The following RUFY4 variants were observed in gnomAD, a reference collection of about 807,000 sequenced individuals.
The protein encoded by RUFY4 is RUN and FYVE domain-containing protein 4.
RUFY4 carries 73 observed loss-of-function variants against 69.0 expected under a neutral mutation model. That is an observed-to-expected ratio of 1.06 (90% CI 0.88 to 1.29). The LOEUF (loss-of-function observed/expected upper bound fraction) is 1.29, where lower values mean the gene tolerates loss of function less well. Ranked by LOEUF, RUFY4 falls within the 50% of genes most tolerant of loss-of-function variation. RUFY4 has a pLI of 0.00. For synonymous variants in RUFY4, 287 were observed against 271.8 expected (o/e 1.06, Z -0.55); for missense variants, 770 against 705.6 (o/e 1.09, Z -1.03).
At chr2:218,069,165 C>G (rs1271678843), upstream of RUFY4, 1 of 152,550 alleles carries the variant, frequency 6.6e-6, no homozygotes, top group Non-Finnish European at 1.5e-5. Context: ...CCACTTCTTC[C>G]CTGCAGCGTC....
At chr2:218,069,962 G>T (rs55779343), upstream of RUFY4, among the ~76,000 whole-genome samples, 1,677 of 152,232 alleles carry the variant, frequency 0.011, 17 homozygotes, top group Middle Eastern at 0.024. Context: ...CACGCAGCAT[G>T]TGCTCAGCCC....
intron 8 of RUFY4, among the ~76,000 whole-genome samples, chr2:218,082,324 C>T (rs1176463582): frequency 6.6e-6 from 1 of 152,212 alleles, no homozygotes; most frequent in Non-Finnish European, 1.5e-5. Flanking sequence ...TCCCCTTCCA[C>T]ACACAATTAT....
chr2:218,062,203 T>A (rs541653085), intron 3 of RUFY4, among the ~76,000 whole-genome samples: 1 of 151,162 alleles, frequency 6.6e-6, no homozygotes, highest in Admixed American at 6.6e-5. Flanking sequence ...ATCAAAACCA[T>A]CCTGGCTAAC....
At position 218,084,357 on chromosome 2, in the gene RUFY4, A is replaced by T. The variant is rs1574518735; in HGVS notation, c.1502+1101A>T. 5.3e-5 allele frequency among the ~76,000 whole-genome samples: 8 copies of T among 151,984 alleles called. 1 individual carries two copies. The South Asian group carries it at 1.7e-3, about 32-fold the overall frequency. ...AGCGGTTCTCCTGCCTCAGCCTTCCAAGTAGCTGGGACTACAGGTGTATGC... is the reference window on the plus strand; with the variant it reads ...AGCGGTTCTCCTGCCTCAGCCTTCCTAGTAGCTGGGACTACAGGTGTATGC... On this transcript the variant is annotated intron_variant, in intron 9 of 10. Coordinates refer to ENST00000344321, the Ensembl canonical transcript of RUFY4.
At chr2:218,047,428 C>T (rs1688854132) in intron 2 of RUFY4, among the ~76,000 whole-genome samples, 1 of 151,946 alleles carries the variant, frequency 6.6e-6, no homozygotes, top group South Asian at 2.1e-4. Context: ...GTCTTTTTCT[C>T]CTTTTTTATT....
chr2:218,071,280 G>A (rs113285539), intron 2 of RUFY4, among the ~76,000 whole-genome samples: 55 of 152,102 alleles, frequency 3.6e-4, no homozygotes, highest in African/African-American at 1.0e-3. Flanking sequence ...GACGCTTGAT[G>A]TCCACCCCCC....
At chr2:218,037,877 C>T (rs535224692) in intron 2 of RUFY4, among the ~76,000 whole-genome samples, 1 of 152,314 alleles carries the variant, frequency 6.6e-6, no homozygotes, top group South Asian at 2.1e-4. Context: ...AGTGTTTCCA[C>T]TTTTGTTCAC....
chr2:218,077,367 T>C (rs1689658712), intron 8 of RUFY4, among the ~76,000 whole-genome samples: 2 of 151,936 alleles, frequency 1.3e-5, no homozygotes, highest in Non-Finnish European at 2.9e-5. Context: ...CAGGTCTCAG[T>C]TTCTCTCTCT....
At chr2:218,053,016 A>G (rs1009177417) in intron 2 of RUFY4, among the ~76,000 whole-genome samples, 6 of 152,088 alleles carry the variant, frequency 3.9e-5, no homozygotes, top group East Asian at 1.9e-4. Context: ...CTCAAGTGCA[A>G]TCGCATGATC....
upstream of RUFY4, among the ~76,000 whole-genome samples, chr2:218,067,391 G>C (rs1054315594): frequency 6.6e-6 from 1 of 152,218 alleles, no homozygotes; most frequent in Non-Finnish European, 1.5e-5. Flanking sequence ...AGATGTCCGG[G>C]TAGCCACTGA....
chr2:218,036,264 C>CGTAGGT (rs1368145590), intron 2 of RUFY4, among the ~76,000 whole-genome samples: 2 of 152,162 alleles, frequency 1.3e-5, no homozygotes, highest in Admixed American at 1.3e-4. Flanking sequence ...TGGGATTTTC[C>CGTAGGT]CTTGCTGTGT....
chr2:218,068,121 A>T (rs1689387933), upstream of RUFY4, among the ~76,000 whole-genome samples: 1 of 121,412 alleles, frequency 8.2e-6, no homozygotes, highest in Non-Finnish European at 1.8e-5. Flanking sequence ...AGGGGACTGG[A>T]GGAGGGCAGG....
chr2:218,085,248 C>T (rs901773687), intron 9 of RUFY4, among the ~76,000 whole-genome samples: 2 of 152,098 alleles, frequency 1.3e-5, no homozygotes, highest in Non-Finnish European at 2.9e-5. Flanking sequence ...GCACTAGTTT[C>T]CCAGTGCAAA....
chr2:218,057,061 A>ATT (rs1309877746), intron 2 of RUFY4, among the ~76,000 whole-genome samples: 7 of 151,564 alleles, frequency 4.6e-5, no homozygotes, highest in African/African-American at 1.7e-4. Flanking sequence ...CCTGGGCAAC[A>ATT]GAGTGAGACT....
intron 7 of RUFY4, 63 bp from the exon 10 acceptor site, chr2:218,076,363 GC>G: frequency 6.5e-7 from 1 of 1,529,898 alleles, no homozygotes; most frequent in Non-Finnish European, 8.8e-7. Context: ...GTTCAGGTCA[GC>G]CCCAGCACTG....
chr2:218,075,682 T>G, exon 7 of RUFY4: 1 of 1,483,678 alleles, frequency 6.7e-7, no homozygotes, highest in Non-Finnish European at 8.9e-7. Context: ...CAAACAGAAG[T>G]GACCCTTGTG....
intron 6 of RUFY4, among the ~76,000 whole-genome samples, chr2:218,074,557 A>C (rs1689578599): frequency 6.6e-6 from 1 of 152,078 alleles, no homozygotes; most frequent in Non-Finnish European, 1.5e-5. Flanking sequence ...CTTCATGGAG[A>C]TATACCATAA....
intron 3 of RUFY4, chr2:218,060,952 G>T: frequency 1.2e-6 from 1 of 851,062 alleles, no homozygotes; most frequent in Non-Finnish European, 2.1e-6. Context: ...TGGCGCTGCT[G>T]GGTCAGTGTG....
chr2:218,071,471 C>T (rs771234236), intron 2 of RUFY4, among the ~76,000 whole-genome samples: 26 of 152,072 alleles, frequency 1.7e-4, no homozygotes, highest in Non-Finnish European at 2.8e-4. Flanking sequence ...CACTGGAATG[C>T]ACAGCATACT....
Sources: gnomAD v4.1 joint callset for allele counts (sites outside exome capture counted in the v4.1 genomes callset) on GRCh38, gnomAD v4.1.1 for gene constraint, MANE v1.5 for transcripts, NCBI Gene and HGNC (gene_info 2026-07-23, HGNC 2026-07-21) for gene names.